Variants in NPAS2 observed in about 807,000 individuals in gnomAD.
NPAS2 encodes neuronal PAS domain-containing protein 2.
A neutral mutation model predicts 107.5 loss-of-function variants in NPAS2; 23 were observed. The ratio of observed to expected loss-of-function variants is 0.21; its 90% CI spans 0.15 to 0.30. The LOEUF (loss-of-function observed/expected upper bound fraction) is 0.30, where lower values mean the gene tolerates loss of function less well. Ranked by LOEUF, NPAS2 falls within the 10% of genes least tolerant of loss-of-function variation. The pLI, the probability that NPAS2 is intolerant of heterozygous loss-of-function variation, is 1.00. For synonymous variants in NPAS2, 403 were observed against 417.5 expected (o/e 0.97, Z 0.42); for missense variants, 756 against 1,043.3 (o/e 0.72, Z 3.79).
intron 3 of NPAS2, 42 bp downstream of exon 3, chr2:100,925,336 C>G (rs356651): frequency 6.2e-7 from 1 of 1,600,492 alleles, no homozygotes; most frequent in Non-Finnish European, 8.5e-7. Flanking sequence ...CACCCTGCCC[C>G]GTCCATGTGG....
At chr2:100,850,011 T>TAAAAAAAAAAAAAAAAAAAAAAAAAAAAA (rs58359292) in intron 1 of NPAS2, among the ~76,000 whole-genome samples, 1 of 56,212 alleles carries the variant, frequency 1.8e-5, no homozygotes, top group Non-Finnish European at 3.0e-5. Context: ...ACTCTTTTTG[T>TAAAAAAAAAAAAAAAAAAAAAAAAAAAAA]AAAAAAAAAA....
intron 1 of NPAS2, among the ~76,000 whole-genome samples, chr2:100,826,447 AT>A (rs1316526110): frequency 2.6e-4 from 39 of 152,242 alleles, no homozygotes; most frequent in African/African-American, 8.9e-4. Flanking sequence ...TCTCAAAAAA[AT>A]AAAATTAAAC....
At chr2:100,904,877 T>A in intron 2 of NPAS2, 91 bp downstream of exon 2, 1 of 884,854 alleles carries the variant, frequency 1.1e-6, no homozygotes, top group Non-Finnish European at 1.8e-6. Flanking sequence ...TCTGTGCAGG[T>A]GAGGCCACCA....
intron 1 of NPAS2, among the ~76,000 whole-genome samples, chr2:100,854,254 C>G (rs1430659803): frequency 1.3e-5 from 2 of 151,728 alleles, no homozygotes; most frequent in African/African-American, 4.8e-5. Flanking sequence ...GAGACGGGCT[C>G]CTAGGCATGG....
chr2:100,980,676 G>A (rs1677381204), intron 15 of NPAS2, among the ~76,000 whole-genome samples: 1 of 152,102 alleles, frequency 6.6e-6, no homozygotes, highest in African/African-American at 2.4e-5. Flanking sequence ...TTGCCATGTT[G>A]GCCAGGCTGG....
intron 1 of NPAS2, among the ~76,000 whole-genome samples, chr2:100,888,228 A>G (rs966665200): frequency 1.6e-4 from 24 of 152,142 alleles, no homozygotes; most frequent in African/African-American, 5.3e-4. Context: ...TTCATATTCT[A>G]TACTAAGCCC....
chr2:100,971,041 G>T lies in NPAS2; in HGVS notation c.1107G>T (p.Pro369=), dbSNP rs1676514668. The part of the protein sequence containing the change: ...ERRQELALED[P]PSEALHSSAL... ...GGCAGGAGCTGGCTCTGGAAGACCCGCCATCCGAGGCCCTCCACTCCTCAG... is the reference window on the plus strand; with the variant it reads ...GGCAGGAGCTGGCTCTGGAAGACCCTCCATCCGAGGCCCTCCACTCCTCAG... The change falls in exon 12 of 21, where the codon CCG becomes CCT. Residue 369 remains proline (P), a synonymous_variant. Coordinates refer to ENST00000335681, the MANE Select transcript of NPAS2 (RefSeq NM_002518.4). 2 of 1,613,982 alleles carry T rather than the reference G, an allele frequency of 1.2e-6. No homozygotes were observed. Among genetic ancestry groups the T allele is most frequent in the South Asian group, 2.2e-5 (2 of 91,092 alleles).
chr2:100,963,199 G>A (rs1676012745), intron 7 of NPAS2, among the ~76,000 whole-genome samples: 1 of 152,334 alleles, frequency 6.6e-6, no homozygotes, highest in Admixed American at 6.5e-5. Flanking sequence ...GGAGTTTCAG[G>A]ACAGAGGCCC....
At chr2:100,835,719 G>A (rs147992578) in intron 1 of NPAS2, among the ~76,000 whole-genome samples, 70 of 152,220 alleles carry the variant, frequency 4.6e-4, no homozygotes, top group African/African-American at 1.7e-3. Context: ...GCATGGAAAG[G>A]TAGGGGTCAC....
Position 100,990,302 on chromosome 2 carries a change from G to T in NPAS2, c.1874G>T (p.Arg625Leu). ...TCACAGCTAATGCAGAGCAGCGGCC[G>T]CTCTGGAAGCAGCCTAGTGTCCCCG... ...RSSQLMQSSG[R>L]SGSSLVSPFS... The change falls in exon 18 of 21, where the codon CGC becomes CTC. Residue 625 changes from arginine (R) to leucine (L), a missense_variant. Coordinates refer to ENST00000335681, the MANE Select transcript of NPAS2 (RefSeq NM_002518.4). 8 of 1,614,140 alleles carry T rather than the reference G, an allele frequency of 5.0e-6. No individual in the cohort carries two copies. The highest frequency in any genetic ancestry group is 6.8e-6 in the Non-Finnish European group (8 of 1,180,030).
chr2:100,875,512 T>TG (rs1424456742), intron 1 of NPAS2, among the ~76,000 whole-genome samples: 3 of 140,906 alleles, frequency 2.1e-5, no homozygotes, highest in Admixed American at 6.9e-5. Context: ...ACACAGCATG[T>TG]AGGGATCACA....
intron 16 of NPAS2, 132 bp from the exon 17 acceptor site, chr2:100,987,947 G>A: frequency 1.0e-6 from 1 of 954,356 alleles, no homozygotes; most frequent in Non-Finnish European, 1.6e-6. Context: ...ATGTCCACCA[G>A]TGGAGTAAAT....
chr2:100,926,453 T>C (rs1209891267), intron 3 of NPAS2, among the ~76,000 whole-genome samples: 1 of 152,242 alleles, frequency 6.6e-6, no homozygotes, highest in Non-Finnish European at 1.5e-5. Context: ...TGTCTTCTTT[T>C]ATTATGACTA....
chr2:100,974,652 C>G lies in NPAS2; in HGVS notation c.1141-151C>G, dbSNP rs145375847. On this transcript the variant is annotated intron_variant, in intron 12 of 20. Coordinates refer to ENST00000335681, the MANE Select transcript of NPAS2 (RefSeq NM_002518.4). ...TTTAGGTTACGTATATGTATATACT[C>G]TACCCAAGCATCTTTGGAATCGTCC... 1,439 of 811,444 alleles carry G rather than the reference C, an allele frequency of 1.8e-3. 1 individual carries two copies. The highest frequency in any genetic ancestry group is 5.0e-3 in the Admixed American group (174 of 34,556). The allele number at this position is 811,444 out of a possible 1,614,324, so 50.3% of individuals were successfully genotyped here. A position where few individuals can be genotyped will look rare whatever the true frequency, so the allele number is the denominator to read the frequency against.
intron 1 of NPAS2, among the ~76,000 whole-genome samples, chr2:100,894,397 AG>A (rs1681272915): frequency 6.6e-6 from 1 of 152,184 alleles, no homozygotes; most frequent in African/African-American, 2.4e-5. Flanking sequence ...AGTGATAACC[AG>A]GTCCATGCAT....
intron 1 of NPAS2, among the ~76,000 whole-genome samples, chr2:100,843,089 CAT>C (rs1558799441): frequency 6.6e-6 from 1 of 151,990 alleles, no homozygotes; most frequent in East Asian, 1.9e-4. Flanking sequence ...TGTGGTGGTG[CAT>C]GCCTGTAGTC....
intron 16 of NPAS2, chr2:100,982,931 C>G (rs3754679): frequency 0.5 from 76,531 of 152,578 alleles, 21,163 homozygotes; most frequent in Middle Eastern, 0.69. Context: ...AGCAGCAGCT[C>G]TCACTGTGAC....
chr2:100,903,808 TG>T (rs1216269952), intron 1 of NPAS2, among the ~76,000 whole-genome samples: 4 of 151,856 alleles, frequency 2.6e-5, no homozygotes, highest in Admixed American at 6.6e-5. Context: ...TGTGCTGACT[TG>T]GGGGGCGCAC....
At chr2:100,893,362 T>C (rs1681204848) in intron 1 of NPAS2, among the ~76,000 whole-genome samples, 1 of 152,204 alleles carries the variant, frequency 6.6e-6, no homozygotes, top group South Asian at 2.1e-4. Context: ...GGTTTTGCCT[T>C]TTATGATTCC....
Sources: gnomAD v4.1 joint callset for allele counts (sites outside exome capture counted in the v4.1 genomes callset) on GRCh38, gnomAD v4.1.1 for gene constraint, MANE v1.5 for transcripts, NCBI Gene and HGNC (gene_info 2026-07-23, HGNC 2026-07-21) for gene names.